The following BTBD9 variants were observed in gnomAD, a reference collection of about 807,000 sequenced individuals.
The protein encoded by BTBD9 is BTB domain containing 9, also known as BTB/POZ domain-containing protein 9.
In BTBD9, 49 loss-of-function variants were observed where a neutral mutation model predicts 64.3. The observed-to-expected ratio is 0.76, with a 90% confidence interval of 0.61 to 0.97. The LOEUF is 0.97. BTBD9 is among the 50% of genes least tolerant of loss of function. BTBD9 has a pLI of 0.00. For missense variants in BTBD9, 598 were observed against 762.1 expected (o/e 0.78, Z 2.53); for synonymous variants, 260 against 274.7 (o/e 0.95, Z 0.53).
intron 7 of BTBD9, among the ~76,000 whole-genome samples, chr6:38,301,370 CT>C (rs1384030907): frequency 6.6e-6 from 1 of 152,190 alleles, no homozygotes; most frequent in African/African-American, 2.4e-5. Flanking sequence ...TGATGCTGGC[CT>C]CATAAAATGA....
At chr6:38,584,424 A>G (rs1309256225) in intron 4 of BTBD9, among the ~76,000 whole-genome samples, 1 of 152,218 alleles carries the variant, frequency 6.6e-6, no homozygotes, top group Non-Finnish European at 1.5e-5. Context: ...GAAATTCTAC[A>G]GCTAGGTAGA....
intron 6 of BTBD9, among the ~76,000 whole-genome samples, chr6:38,544,234 G>T (rs62397716): frequency 0.043 from 6,596 of 152,208 alleles, 212 homozygotes; most frequent in East Asian, 0.17. Context: ...TATACAGGAG[G>T]ATATGTGTAG....
chr6:38,431,115 C>G (rs1244052612), intron 6 of BTBD9, among the ~76,000 whole-genome samples: 2 of 151,890 alleles, frequency 1.3e-5, no homozygotes, highest in Non-Finnish European at 2.9e-5. Context: ...TCTCCTCTCT[C>G]CATAGGAAAT....
chr6:38,402,704 T>C, intron 6 of BTBD9: 9 of 656,622 alleles, frequency 1.4e-5, no homozygotes, highest in South Asian at 1.3e-4. Context: ...GTCAAAACTA[T>C]AATACTTTTA....
intron 7 of BTBD9, among the ~76,000 whole-genome samples, chr6:38,332,880 T>C (rs775111017): frequency 3.3e-5 from 5 of 152,226 alleles, no homozygotes; most frequent in Admixed American, 2.6e-4. Context: ...ATTTAGTAAC[T>C]TTTTTCCAAG....
intron 7 of BTBD9, among the ~76,000 whole-genome samples, chr6:38,311,115 T>C (rs536613413): frequency 1.3e-5 from 2 of 152,296 alleles, no homozygotes; most frequent in Non-Finnish European, 2.9e-5. Flanking sequence ...CCGGCCTTTC[T>C]AGTTATTTTT....
At chr6:38,426,650 G>C (rs943372126) in intron 6 of BTBD9, among the ~76,000 whole-genome samples, 2 of 151,880 alleles carry the variant, frequency 1.3e-5, no homozygotes, top group African/African-American at 2.4e-5. Context: ...TGGGCTAAAG[G>C]CTTGCCATTG....
intron 7 of BTBD9, among the ~76,000 whole-genome samples, chr6:38,326,446 C>T (rs79397090): frequency 1.3e-5 from 2 of 151,936 alleles, no homozygotes; most frequent in Non-Finnish European, 2.9e-5. Flanking sequence ...GATAAGACAA[C>T]GCTGGGGGGA....
chr6:38,235,538 T>C (rs1763746562), intron 9 of BTBD9, among the ~76,000 whole-genome samples: 1 of 152,022 alleles, frequency 6.6e-6, no homozygotes, highest in African/African-American at 2.4e-5. Flanking sequence ...ACAAATGAGA[T>C]CACCATATTT....
intron 6 of BTBD9, among the ~76,000 whole-genome samples, chr6:38,396,067 C>T (rs1016670493): frequency 6.6e-6 from 1 of 152,066 alleles, no homozygotes; most frequent in African/African-American, 2.4e-5. Flanking sequence ...AACTAATACA[C>T]ACAGCATTTA....
chr6:38,261,574 T>A (rs1764794524), intron 8 of BTBD9, among the ~76,000 whole-genome samples: 1 of 152,266 alleles, frequency 6.6e-6, no homozygotes, highest in Admixed American at 6.5e-5. Context: ...CTTATATGTA[T>A]CTTTTTGTTA....
At chr6:38,302,020 C>T (rs1036531427) in intron 7 of BTBD9, among the ~76,000 whole-genome samples, 8 of 152,164 alleles carry the variant, frequency 5.3e-5, no homozygotes, top group African/African-American at 1.7e-4. Flanking sequence ...TCCCTCTACA[C>T]ATTTATGGGG....
intron 6 of BTBD9, among the ~76,000 whole-genome samples, chr6:38,437,134 T>A (rs1387176839): frequency 3.9e-5 from 6 of 152,188 alleles, no homozygotes; most frequent in Non-Finnish European, 7.4e-5. Flanking sequence ...TATGAATACA[T>A]AAATACAGAG....
At chr6:38,484,121 T>C (rs1378542731) in intron 6 of BTBD9, among the ~76,000 whole-genome samples, 2 of 152,212 alleles carry the variant, frequency 1.3e-5, no homozygotes, top group African/African-American at 4.8e-5. Flanking sequence ...GAAATCCTTG[T>C]TTAGAATCCT....
intron 6 of BTBD9, among the ~76,000 whole-genome samples, chr6:38,435,550 C>A (rs1374016597): frequency 6.6e-6 from 1 of 151,072 alleles, no homozygotes; most frequent in Non-Finnish European, 1.5e-5. Context: ...AACTCACAGA[C>A]CTACTTTTCT....
chr6:38,217,784 C>G (rs183943303), intron 9 of BTBD9, among the ~76,000 whole-genome samples: 1 of 151,580 alleles, frequency 6.6e-6, no homozygotes, highest in East Asian at 1.9e-4. Flanking sequence ...GGGCAAATCA[C>G]TTGATCACTT....
At chr6:38,382,337 A>G (rs972577718) in intron 6 of BTBD9, among the ~76,000 whole-genome samples, 60 of 152,112 alleles carry the variant, frequency 3.9e-4, no homozygotes, top group Admixed American at 7.9e-4. Context: ...GACCAGCTCA[A>G]GAGTTTGCCT....
At chr6:38,200,154 G>T (rs1159075695) in intron 9 of BTBD9, among the ~76,000 whole-genome samples, 1 of 152,240 alleles carries the variant, frequency 6.6e-6, no homozygotes, top group Non-Finnish European at 1.5e-5. Context: ...AGCACCACGG[G>T]CATTTCCCAC....
chr6:38,552,874 A>G (rs550641472), intron 6 of BTBD9, among the ~76,000 whole-genome samples: 3 of 152,234 alleles, frequency 2.0e-5, no homozygotes, highest in Non-Finnish European at 4.4e-5. Context: ...CTTTGTATGC[A>G]TGGGGGATTG....
Sources: allele counts gnomAD v4.1 joint callset (sites outside exome capture counted in the v4.1 genomes callset), GRCh38; gene constraint gnomAD v4.1.1; transcripts MANE v1.5; gene names NCBI Gene and HGNC (gene_info 2026-07-23, HGNC 2026-07-21).